TRDN: variants seen among roughly 807,000 people sequenced by gnomAD.
The protein encoded by TRDN is triadin in skeletal muscle.
Under a neutral mutation model 149.7 loss-of-function variants are expected in TRDN, and 161 were observed. That is an observed-to-expected ratio of 1.08 (90% CI 0.95 to 1.23). The LOEUF (loss-of-function observed/expected upper bound fraction) is 1.23, where lower values mean the gene tolerates loss of function less well. Among genes scored for constraint, TRDN ranks in the 50% most tolerant of loss-of-function variants. The pLI is 0.00. For missense variants in TRDN, 896 were observed against 823.5 expected (o/e 1.09, Z -1.08); for synonymous variants, 294 against 250.5 (o/e 1.17, Z -1.64).
chr6:123,512,712 A>G (rs1006886725), intron 6 of TRDN, among the ~76,000 whole-genome samples: 2 of 152,186 alleles, frequency 1.3e-5, no homozygotes, highest in Non-Finnish European at 2.9e-5. Context: ...TTTAAATTTG[A>G]ATTATATTAA....
intron 12 of TRDN, among the ~76,000 whole-genome samples, chr6:123,409,552 A>G (rs1303995232): frequency 1.3e-5 from 2 of 152,196 alleles, no homozygotes; most frequent in African/African-American, 4.8e-5. Flanking sequence ...CATTCTTCCT[A>G]CTTTTGAATG....
At chr6:123,349,940 T>C (rs1582902874) in intron 21 of TRDN, 8 of 745,202 alleles carry the variant, frequency 1.1e-5, no homozygotes, top group Admixed American at 7.7e-5. Context: ...TAGGGAACCA[T>C]TGTTTACAGA....
rs1226924756 is a variant in TRDN at position 123,218,097 on chromosome 6, G to A, written c.*504C>T. 6.6e-6 allele frequency: 1 copy of A among 151,756 alleles called. No homozygotes were observed. The highest frequency in any genetic ancestry group is 2.4e-5 in the African/African-American group (1 of 41,354). 9.4% of individuals were successfully genotyped at this position (151,756 alleles called of 1,614,324 possible). On this transcript the variant is annotated 3_prime_UTR_variant, in exon 41 of 41. Transcript: ENST00000334268. ...CAAAGCCACAACTAAAATAGAAATAGACAAAAATAAAATAAAATCATTAAG... is the reference window on the plus strand; with the variant it reads ...CAAAGCCACAACTAAAATAGAAATAAACAAAAATAAAATAAAATCATTAAG...
intron 22 of TRDN, among the ~76,000 whole-genome samples, chr6:123,335,023 C>T (rs1210561386): frequency 2.0e-5 from 3 of 151,926 alleles, no homozygotes; most frequent in Non-Finnish European, 4.4e-5. Flanking sequence ...GAAATTGCTG[C>T]ATTCTGATTC....
At chr6:123,438,909 T>G in intron 11 of TRDN, 35 bp downstream of exon 11, 1 of 1,494,898 alleles carries the variant, frequency 6.7e-7, no homozygotes, top group Non-Finnish European at 9.0e-7. Context: ...GGACACTAAT[T>G]GATTTATGTG....
Position 123,290,624 on chromosome 6 carries a change from T to C in TRDN, c.1511-11542A>G, listed in dbSNP as rs1274930517. Among the ~76,000 whole-genome samples the C allele has an allele frequency of 4.6e-5, 7 of 152,264 alleles. No homozygotes were observed. In the East Asian group the frequency reaches 1.4e-3, roughly 29 times the overall value. ...CGGAATCGATGCTTAAATAATGAAC[T>C]TATTGTGTGGTTTAAAGTCTTAAAA... On this transcript the variant is annotated intron_variant, in intron 24 of 40. Transcript: ENST00000334268.
chr6:123,256,893 C>T (rs1414718701), intron 35 of TRDN, among the ~76,000 whole-genome samples: 1 of 151,878 alleles, frequency 6.6e-6, no homozygotes, highest in East Asian at 1.9e-4. Flanking sequence ...AGTCTTTGTC[C>T]ATGTCTATGT....
chr6:123,341,313 C>T (rs944480798), intron 21 of TRDN, among the ~76,000 whole-genome samples: 3 of 151,770 alleles, frequency 2.0e-5, no homozygotes, highest in African/African-American at 4.8e-5. Flanking sequence ...TTCTCTTTGT[C>T]ATAATGATAC....
intron 16 of TRDN, among the ~76,000 whole-genome samples, chr6:123,378,457 T>A (rs1224329281): frequency 4.2e-5 from 1 of 24,032 alleles, no homozygotes; most frequent in East Asian, 5.1e-4. Flanking sequence ...ATTTGTAGTG[T>A]GTGTGTGTGT....
At chr6:123,352,729 T>G in intron 20 of TRDN, 143 bp from the exon 21 acceptor site, 1 of 1,180,728 alleles carries the variant, frequency 8.5e-7, no homozygotes, top group Non-Finnish European at 1.1e-6. Flanking sequence ...TTCTCATTTC[T>G]CTATAACGCA....
chr6:123,220,236 C>T (rs1254009959), intron 40 of TRDN, among the ~76,000 whole-genome samples: 1 of 151,798 alleles, frequency 6.6e-6, no homozygotes, highest in Non-Finnish European at 1.5e-5. Flanking sequence ...CAGAAAGATA[C>T]CACATATCTT....
At chr6:123,281,748 G>A (rs1211898275) in intron 24 of TRDN, among the ~76,000 whole-genome samples, 1 of 152,026 alleles carries the variant, frequency 6.6e-6, no homozygotes, top group Non-Finnish European at 1.5e-5. Context: ...CAGGACACCT[G>A]CCTATTCCCA....
chr6:123,596,625 G>C (rs1213157368), intron 1 of TRDN, among the ~76,000 whole-genome samples: 3 of 152,066 alleles, frequency 2.0e-5, no homozygotes, highest in Non-Finnish European at 4.4e-5. Flanking sequence ...TAATGCAGCT[G>C]GTGACTTTAA....
At chr6:123,316,562 C>T (rs1779032746) in intron 23 of TRDN, 67 bp from the exon 24 acceptor site, 1 of 1,454,636 alleles carries the variant, frequency 6.9e-7, no homozygotes, top group Admixed American at 1.8e-5. Flanking sequence ...GAAAAATAGT[C>T]AGTACAAAGT....
intron 12 of TRDN, among the ~76,000 whole-genome samples, chr6:123,435,496 G>GTCTC (rs34601296): frequency 9.4e-5 from 14 of 148,740 alleles, no homozygotes; most frequent in Non-Finnish European, 1.6e-4. Context: ...CAATCTCTCT[G>GTCTC]TCTCTCTCTC....
intron 9 of TRDN, among the ~76,000 whole-genome samples, chr6:123,486,420 A>G (rs1472270097): frequency 3.3e-5 from 5 of 151,966 alleles, no homozygotes. Flanking sequence ...CGTTTAGCTG[A>G]TAATTTTAAT....
rs181387884 is a variant in TRDN, at chr6:123,562,169, G to A, written c.232+8754C>T. ...GTGACCCCTGCCCCTGCCCGCCAGA[G>A]AATAACCCCCCTTTGACTGTAATTT... On this transcript the variant is annotated intron_variant, in intron 2 of 40. Coordinates refer to ENST00000334268, the MANE Select transcript of TRDN (RefSeq NM_006073.4). 2.9e-3 allele frequency among the ~76,000 whole-genome samples: 445 copies of A among 152,132 alleles called. 1 individual carries two copies. Among genetic ancestry groups the A allele is most frequent in the African/African-American group, 0.01 (431 of 41,494 alleles).
chr6:123,287,530 CTGTT>C (rs1005861683), intron 24 of TRDN, among the ~76,000 whole-genome samples: 3 of 152,064 alleles, frequency 2.0e-5, no homozygotes, highest in African/African-American at 7.2e-5. Context: ...AAAGGAATGG[CTGTT>C]TGTCACAATT....
rs899330864 is a variant in TRDN, at chr6:123,236,929, A to G, written c.1976-12798T>C. 1.3e-4 allele frequency among the ~76,000 whole-genome samples: 19 copies of G among 143,560 alleles called. 1 individual carries two copies. The highest frequency in any genetic ancestry group is 5.7e-4 in the African/African-American group (19 of 33,322). The allele number at this position is 143,560 out of a possible 152,430, so 94.2% of individuals were successfully genotyped here. On this transcript the variant is annotated intron_variant, in intron 38 of 40. Transcript: ENST00000334268. Reference sequence around the variant, plus strand: ...TTAGCTATTGTAAAAGAGATTTTATATATTAAGAAATTCTGTCTGAGATTT... The same window carrying G: ...TTAGCTATTGTAAAAGAGATTTTATGTATTAAGAAATTCTGTCTGAGATTT...
Sources: gnomAD v4.1 joint callset for allele counts (sites outside exome capture counted in the v4.1 genomes callset) on GRCh38, gnomAD v4.1.1 for gene constraint, MANE v1.5 for transcripts, NCBI Gene and HGNC (gene_info 2026-07-23, HGNC 2026-07-21) for gene names.